Variants in PAX7 observed in about 807,000 individuals in gnomAD.
PAX7 encodes paired box 7, also known as paired box protein Pax-7.
PAX7 carries 18 observed loss-of-function variants against 50.7 expected under a neutral mutation model. The ratio of observed to expected loss-of-function variants is 0.36; its 90% CI spans 0.25 to 0.53. PAX7 has a LOEUF of 0.53. Ranked by LOEUF, PAX7 falls within the 20% of genes least tolerant of loss-of-function variation. The probability of loss-of-function intolerance (pLI) is 0.93; values close to 1 mark genes in which losing one functional copy is unlikely to be tolerated. For missense variants in PAX7, 644 were observed against 702.9 expected, an observed-to-expected ratio of 0.92 and a Z score of 0.95; for synonymous variants, 310 against 290.4, an observed-to-expected ratio of 1.07 and a Z score of -0.69.
At chr1:18,678,481 A>G (rs941704757) in intron 4 of PAX7, among the ~76,000 whole-genome samples, 6 of 152,210 alleles carry the variant, frequency 3.9e-5, no homozygotes, top group Admixed American at 6.5e-5. Context: ...AATGCCCGAT[A>G]TAAGAAAAAA....
intron 7 of PAX7, among the ~76,000 whole-genome samples, chr1:18,712,986 G>T (rs193069760): frequency 6.6e-5 from 10 of 152,178 alleles, no homozygotes; most frequent in African/African-American, 1.7e-4. Flanking sequence ...GGAGGCTGAG[G>T]GGGGAGGATC....
chr1:18,654,004 C>T (rs1166564216), intron 4 of PAX7, among the ~76,000 whole-genome samples: 1 of 152,106 alleles, frequency 6.6e-6, no homozygotes, highest in African/African-American at 2.4e-5. Context: ...CCAGCCCTGT[C>T]GCAGGAGAGC....
At position 18,735,348 on chromosome 1, in the gene PAX7, G is replaced by T. The variant is rs1449908395; in HGVS notation, c.1156-284G>T. On this transcript the variant is annotated intron_variant, in intron 7 of 8. Transcript: ENST00000420770. This position sits in a 1 kb window ranked among gnomAD's most constrained non-coding sequence, Gnocchi z 4.0. Reference sequence around the variant, plus strand: ...AGACAGGCCCAGAGTGACCCTTAGGGCCAGACCCTGGAGCTAGAGAGGCGA... The same window carrying T: ...AGACAGGCCCAGAGTGACCCTTAGGTCCAGACCCTGGAGCTAGAGAGGCGA... 2.6e-5 allele frequency among the ~76,000 whole-genome samples: 4 copies of T among 152,060 alleles called. No homozygotes were observed. Among genetic ancestry groups the T allele is most frequent in the Non-Finnish European group, 5.9e-5 (4 of 68,006 alleles).
At chr1:18,673,020 G>C (rs1037872623) in intron 4 of PAX7, among the ~76,000 whole-genome samples, 4 of 152,150 alleles carry the variant, frequency 2.6e-5, no homozygotes, top group African/African-American at 7.2e-5. Context: ...GGCACATGCA[G>C]AGCTGCAATT....
chr1:18,691,337 C>T (rs1322317464), intron 4 of PAX7, among the ~76,000 whole-genome samples: 2 of 152,130 alleles, frequency 1.3e-5, no homozygotes, highest in African/African-American at 4.8e-5. Flanking sequence ...AAATTCTGTC[C>T]TTTTAACTGA....
intron 4 of PAX7, among the ~76,000 whole-genome samples, chr1:18,672,608 T>TTG (rs1405299745): frequency 2.0e-5 from 3 of 148,498 alleles, no homozygotes; most frequent in Admixed American, 1.3e-4. Flanking sequence ...TTTTTTTTTT[T>TTG]TTTTTTTTTG....
chr1:18,639,090 A>G (rs997932513), intron 4 of PAX7, among the ~76,000 whole-genome samples: 6 of 152,098 alleles, frequency 3.9e-5, no homozygotes, highest in African/African-American at 1.4e-4. Flanking sequence ...CTAAAGAGAG[A>G]TCCCTCCCTG....
chr1:18,681,756 A>G (rs2088905334), intron 4 of PAX7, among the ~76,000 whole-genome samples: 1 of 131,952 alleles, frequency 7.6e-6, no homozygotes, highest in Non-Finnish European at 1.6e-5. Flanking sequence ...TTTTATTTTT[A>G]TTTTTATTTT....
At chr1:18,639,393 A>G (rs1441838471) in intron 4 of PAX7, among the ~76,000 whole-genome samples, 2 of 89,026 alleles carry the variant, frequency 2.2e-5, no homozygotes, top group South Asian at 5.6e-4. Context: ...GAGGCTGTTC[A>G]TATTTTTTTT....
intron 4 of PAX7, among the ~76,000 whole-genome samples, chr1:18,657,119 A>G (rs79669786): frequency 5.9e-4 from 90 of 152,232 alleles, no homozygotes; most frequent in African/African-American, 2.1e-3. Context: ...TTCCCTCCCT[A>G]TTCAACCCAC....
intron 7 of PAX7, among the ~76,000 whole-genome samples, chr1:18,730,933 G>T (rs902765942): frequency 2.0e-5 from 3 of 151,950 alleles, no homozygotes; most frequent in East Asian, 1.9e-4. Context: ...CGTGGCGGGT[G>T]GGGGGAAATG....
chr1:18,740,333 T>C (rs1931061915), intron 8 of PAX7, among the ~76,000 whole-genome samples: 1 of 152,172 alleles, frequency 6.6e-6, no homozygotes, highest in Non-Finnish European at 1.5e-5. Context: ...AAGCTCCTAC[T>C]GTGTGCTGGG....
intron 8 of PAX7, among the ~76,000 whole-genome samples, chr1:18,737,611 T>A (rs1274435261): frequency 6.6e-6 from 1 of 152,274 alleles, no homozygotes; most frequent in African/African-American, 2.4e-5. Context: ...CGCGAATACA[T>A]GTATGTGTCA....
intron 4 of PAX7, among the ~76,000 whole-genome samples, chr1:18,645,394 G>A (rs748022639): frequency 6.6e-6 from 1 of 152,266 alleles, no homozygotes; most frequent in Non-Finnish European, 1.5e-5. Flanking sequence ...AGAAAAAGGG[G>A]TGGGGCGGCG....
chr1:18,689,011 C>A (rs538510105), intron 4 of PAX7, among the ~76,000 whole-genome samples: 1 of 152,282 alleles, frequency 6.6e-6, no homozygotes, highest in African/African-American at 2.4e-5. Flanking sequence ...GAGGGTAGGG[C>A]CTGTGTCTGC....
chr1:18,637,412 C>T (rs573164532), intron 4 of PAX7, among the ~76,000 whole-genome samples: 1 of 152,270 alleles, frequency 6.6e-6, no homozygotes, highest in African/African-American at 2.4e-5. Flanking sequence ...CAAACACATA[C>T]GCGGAGAGGC....
chr1:18,679,592 C>T (rs576702310), intron 4 of PAX7, among the ~76,000 whole-genome samples: 220 of 152,320 alleles, frequency 1.4e-3, no homozygotes, highest in African/African-American at 5.1e-3. Context: ...CTTAGTGCCT[C>T]TAGCATTTAT....
intron 4 of PAX7, among the ~76,000 whole-genome samples, chr1:18,673,379 C>G (rs1255957043): frequency 6.6e-6 from 1 of 152,164 alleles, no homozygotes; most frequent in East Asian, 1.9e-4. Context: ...ACGGTCAGCT[C>G]CTTAAGTGAA....
chr1:18,636,219 T>G lies in PAX7; in HGVS notation c.452-18T>G. The G allele has an allele frequency of 6.2e-7, 1 of 1,613,140 alleles. No homozygotes were observed. Among genetic ancestry groups the G allele is most frequent in the Non-Finnish European group, 8.5e-7 (1 of 1,179,398 alleles). On this transcript the variant is annotated intron_variant, in intron 3 of 8. Coordinates refer to ENST00000420770, the MANE Select transcript of PAX7 (RefSeq NM_001135254.2). This position sits in a 1 kb window ranked among gnomAD's most constrained non-coding sequence, Gnocchi z 5.1. ...CTCCAACAACTTATACTTGCTCTTT[T>G]GCCTTTGAATTTCTGAGGTTTAGTG...
Sources: gnomAD v4.1 joint callset for allele counts (sites outside exome capture counted in the v4.1 genomes callset) on GRCh38, gnomAD v4.1.1 for gene constraint, Gnocchi (gnomAD v3.1) non-coding constraint, MANE v1.5 for transcripts, NCBI Gene and HGNC (gene_info 2026-07-23, HGNC 2026-07-21) for gene names.